The following TSPAN18 variants were observed in gnomAD, a reference collection of about 807,000 sequenced individuals.
The protein encoded by TSPAN18 is tetraspanin-18.
A neutral mutation model predicts 27.3 loss-of-function variants in TSPAN18; 14 were observed. The observed-to-expected ratio is 0.51, with a 90% CI of 0.34 to 0.80. The LOEUF (loss-of-function observed/expected upper bound fraction) is 0.80, where lower values mean the gene tolerates loss of function less well. Ranked by LOEUF, TSPAN18 falls within the 30% of genes least tolerant of loss-of-function variation. The pLI is 0.01. For missense variants in TSPAN18, 268 were observed against 323.9 expected (o/e 0.83, Z 1.32); for synonymous variants, 143 against 136.5 (o/e 1.05, Z -0.33).
At chr11:44,765,339 G>A (rs79574747) in intron 2 of TSPAN18, among the ~76,000 whole-genome samples, 2,534 of 152,318 alleles carry the variant, frequency 0.017, 77 homozygotes, top group African/African-American at 0.059. Context: ...GGAGAGGAGA[G>A]GGGATCTGAA....
chr11:44,761,883 A>G (rs1191265410), intron 1 of TSPAN18, among the ~76,000 whole-genome samples: 1 of 152,200 alleles, frequency 6.6e-6, no homozygotes, highest in Non-Finnish European at 1.5e-5. Context: ...TAGAGCAGGG[A>G]CATCTGCGCC....
At chr11:44,910,928 T>C (rs1177952939) in intron 5 of TSPAN18, among the ~76,000 whole-genome samples, 1 of 152,202 alleles carries the variant, frequency 6.6e-6, no homozygotes, top group Non-Finnish European at 1.5e-5. Flanking sequence ...CCATGTCTTC[T>C]TGTTAAACGA....
intron 2 of TSPAN18, among the ~76,000 whole-genome samples, chr11:44,769,147 G>A (rs929835762): frequency 1.4e-4 from 21 of 152,072 alleles, no homozygotes; most frequent in South Asian, 2.1e-4. Flanking sequence ...CACCTGCCTC[G>A]GCCTCCCAAA....
intron 2 of TSPAN18, among the ~76,000 whole-genome samples, chr11:44,852,191 A>G (rs1204588902): frequency 6.6e-6 from 1 of 152,150 alleles, no homozygotes; most frequent in Non-Finnish European, 1.5e-5. Flanking sequence ...CCCAGGGTTT[A>G]TTCTTCTTGT....
chr11:44,915,301 C>T (rs1481708301), intron 5 of TSPAN18, among the ~76,000 whole-genome samples: 2 of 152,168 alleles, frequency 1.3e-5, no homozygotes, highest in African/African-American at 4.8e-5. Context: ...CAGCGGCCTC[C>T]GTCACTGTCA....
At chr11:44,893,840 A>T (rs1214095115) in intron 3 of TSPAN18, among the ~76,000 whole-genome samples, 2 of 152,210 alleles carry the variant, frequency 1.3e-5, no homozygotes, top group African/African-American at 2.4e-5. Context: ...ACCCTGTCCC[A>T]GTCCTCCCCA....
intron 2 of TSPAN18, among the ~76,000 whole-genome samples, chr11:44,773,954 C>T (rs1313230050): frequency 6.6e-6 from 1 of 152,206 alleles, no homozygotes; most frequent in African/African-American, 2.4e-5. Flanking sequence ...GCCTGCGAGG[C>T]TGCCTCCCTC....
rs182015364 is a variant in TSPAN18 at position 44,823,908 on chromosome 11, C to A, written c.-152-36420C>A. ...GAGAATATGAAAGAGGCCCCCCTCTCGGAACTGGGCACCACTCATACCGGA... is the reference window on the plus strand; with the variant it reads ...GAGAATATGAAAGAGGCCCCCCTCTAGGAACTGGGCACCACTCATACCGGA... On this transcript the variant is annotated intron_variant, in intron 2 of 9. Coordinates refer to ENST00000520358, the MANE Select transcript of TSPAN18 (RefSeq NM_130783.5). Among the ~76,000 whole-genome samples, 205 of 152,184 alleles carry A rather than the reference C, an allele frequency of 1.3e-3. 1 individual carries two copies. The highest frequency in any genetic ancestry group is 1.5e-3 in the Non-Finnish European group (101 of 68,020).
At chr11:44,839,648 TTC>T (rs1857330554) in intron 2 of TSPAN18, among the ~76,000 whole-genome samples, 2 of 152,118 alleles carry the variant, frequency 1.3e-5, no homozygotes, top group South Asian at 4.1e-4. Flanking sequence ...ACCACCTGCC[TTC>T]TCTCTGCCCC....
At chr11:44,920,643 G>T (rs1345208105) in intron 8 of TSPAN18, among the ~76,000 whole-genome samples, 1 of 152,078 alleles carries the variant, frequency 6.6e-6, no homozygotes, top group Non-Finnish European at 1.5e-5. Context: ...CCACTGACCA[G>T]CCCCCACTCT....
intron 2 of TSPAN18, among the ~76,000 whole-genome samples, chr11:44,793,473 G>A (rs888780405): frequency 1.3e-5 from 2 of 152,154 alleles, no homozygotes; most frequent in Admixed American, 1.3e-4. Context: ...GGGTTTCCTG[G>A]AAGTAGGATT....
chr11:44,792,469 G>C (rs1229119827), intron 2 of TSPAN18, among the ~76,000 whole-genome samples: 2 of 152,214 alleles, frequency 1.3e-5, no homozygotes, highest in African/African-American at 4.8e-5. Flanking sequence ...GCGGGCACTT[G>C]AGTGTGGTGT....
chr11:44,843,395 G>A (rs1857415388), intron 2 of TSPAN18, among the ~76,000 whole-genome samples: 1 of 152,154 alleles, frequency 6.6e-6, no homozygotes, highest in Non-Finnish European at 1.5e-5. Context: ...CAGACATCAA[G>A]TATTTAACAG....
At chr11:44,798,296 C>T (rs912531877) in intron 2 of TSPAN18, among the ~76,000 whole-genome samples, 5 of 152,342 alleles carry the variant, frequency 3.3e-5, no homozygotes, top group African/African-American at 9.6e-5. Flanking sequence ...AGCTTTCCTG[C>T]GTCTTTCATG....
chr11:44,853,284 GA>G (rs1413816122), intron 2 of TSPAN18, among the ~76,000 whole-genome samples: 2 of 152,244 alleles, frequency 1.3e-5, no homozygotes, highest in East Asian at 3.9e-4. Context: ...TAGGGACGTA[GA>G]GTCCATGGAG....
chr11:44,782,489 G>A (rs1855960676), intron 2 of TSPAN18, among the ~76,000 whole-genome samples: 1 of 149,934 alleles, frequency 6.7e-6, no homozygotes, highest in African/African-American at 2.5e-5. Context: ...GTTGCAATGA[G>A]CAGAGATCAT....
intron 1 of TSPAN18, among the ~76,000 whole-genome samples, chr11:44,757,598 G>A (rs1190411068): frequency 6.6e-6 from 1 of 152,186 alleles, no homozygotes; most frequent in Admixed American, 6.5e-5. Context: ...TTGCCCAGGT[G>A]GGTCTTGGAC....
At chr11:44,740,319 T>G (rs939135825) in intron 1 of TSPAN18, among the ~76,000 whole-genome samples, 2 of 152,192 alleles carry the variant, frequency 1.3e-5, no homozygotes, top group Non-Finnish European at 2.9e-5. Context: ...CTCCATTGTG[T>G]GATAAGGGTG....
intron 7 of TSPAN18, 76 bp from the exon 8 acceptor site, chr11:44,919,741 G>T: frequency 8.4e-6 from 12 of 1,429,656 alleles, no homozygotes; most frequent in Non-Finnish European, 1.2e-5. Flanking sequence ...CTTTGCAGAG[G>T]CTGTATGTCC....
Sources: allele counts gnomAD v4.1 joint callset (sites outside exome capture counted in the v4.1 genomes callset), GRCh38; gene constraint gnomAD v4.1.1; transcripts MANE v1.5; gene names NCBI Gene and HGNC (gene_info 2026-07-23, HGNC 2026-07-21).